Variants in SLC35F3 observed in about 807,000 individuals in gnomAD.
SLC35F3 encodes the protein putative thiamine transporter SLC35F3.
Under a neutral mutation model 49.9 loss-of-function variants are expected in SLC35F3, and 25 were observed. That is an observed-to-expected ratio of 0.50 (90% CI 0.37 to 0.70). The LOEUF is 0.70. SLC35F3 is among the 30% of genes least tolerant of loss of function. The probability of loss-of-function intolerance (pLI) is 0.00; values close to 1 mark genes in which losing one functional copy is unlikely to be tolerated. For missense variants in SLC35F3, 525 were observed against 639.8 expected (o/e 0.82, Z 1.94); for synonymous variants, 275 against 265.4 (o/e 1.04, Z -0.35).
At chr1:234,252,389 A>G (rs1299319134) in intron 3 of SLC35F3, among the ~76,000 whole-genome samples, 2 of 152,148 alleles carry the variant, frequency 1.3e-5, no homozygotes, top group Non-Finnish European at 2.9e-5. Context: ...ATTTTTTAAA[A>G]ATGCTTAAAG....
intron 2 of SLC35F3, among the ~76,000 whole-genome samples, chr1:234,134,220 T>C (rs1665776442): frequency 6.6e-6 from 1 of 150,992 alleles, no homozygotes; most frequent in Non-Finnish European, 1.5e-5. Context: ...ACTAAGTTTC[T>C]GCTCTTGTAA....
At chr1:233,989,243 G>A (rs891251790) in intron 2 of SLC35F3, among the ~76,000 whole-genome samples, 4 of 152,082 alleles carry the variant, frequency 2.6e-5, no homozygotes, top group Admixed American at 2.6e-4. Context: ...GCTTGATCTG[G>A]CTAGTTTCAT....
intron 2 of SLC35F3, among the ~76,000 whole-genome samples, chr1:233,924,722 GTTATGGTGTCAAT>G (rs969703953): frequency 2.0e-5 from 3 of 152,150 alleles, no homozygotes; most frequent in African/African-American, 7.2e-5. Context: ...TAATTGTGAT[GTTATGGTGTCAAT>G]TTTAGATCTT....
At chr1:234,098,958 T>C (rs112358263) in intron 2 of SLC35F3, among the ~76,000 whole-genome samples, 3,367 of 151,744 alleles carry the variant, frequency 0.022, 123 homozygotes, top group African/African-American at 0.077. Context: ...TGTTATAGGG[T>C]GATGATGGAG....
At chr1:234,134,227 G>T (rs1455685794) in intron 2 of SLC35F3, among the ~76,000 whole-genome samples, 1 of 150,550 alleles carries the variant, frequency 6.6e-6, no homozygotes, top group Non-Finnish European at 1.5e-5. Context: ...TTCTGCTCTT[G>T]TAAAGTGTAT....
chr1:234,120,440 A>G (rs920161697), intron 2 of SLC35F3, among the ~76,000 whole-genome samples: 2 of 152,210 alleles, frequency 1.3e-5, no homozygotes, highest in African/African-American at 2.4e-5. Context: ...ATGTCCATAT[A>G]TACATTTGAA....
At chr1:234,308,829 C>G (rs548434359) in intron 3 of SLC35F3, among the ~76,000 whole-genome samples, 22 of 151,970 alleles carry the variant, frequency 1.4e-4, no homozygotes, top group Non-Finnish European at 2.9e-4. Context: ...GATAACACAC[C>G]AACATTACCT....
chr1:234,316,487 C>T (rs1174651023), intron 4 of SLC35F3, 115 bp from the exon 5 acceptor site: 19 of 1,352,080 alleles, frequency 1.4e-5, no homozygotes, highest in Non-Finnish European at 1.8e-5. Flanking sequence ...AAAGGAGACA[C>T]CACTTTCCCC....
chr1:234,087,945 TC>T (rs2102875797), intron 2 of SLC35F3, among the ~76,000 whole-genome samples: 1 of 152,334 alleles, frequency 6.6e-6, no homozygotes, highest in South Asian at 2.1e-4. Flanking sequence ...CGGGTCCTTT[TC>T]TTGACCCTTT....
Position 233,957,314 on chromosome 1 carries a change from G to C in SLC35F3, c.283+51556G>C, listed in dbSNP as rs1662721246. 6.6e-6 allele frequency among the ~76,000 whole-genome samples: 1 copy of C among 152,164 alleles called. No individual in the cohort carries two copies. The highest frequency in any genetic ancestry group is 2.1e-4 in the South Asian group (1 of 4,828). The stretch of plus-strand genomic sequence containing the variant: ...AACCATAACAAAGGTAGGAGGAATG[G>C]CTGGAGGAAGCGATGCCACTCCATC... On this transcript the variant is annotated intron_variant, in intron 2 of 7. Coordinates refer to ENST00000366618, the MANE Select transcript of SLC35F3 (RefSeq NM_173508.4). This position sits in a 1 kb window ranked among gnomAD's most constrained non-coding sequence, Gnocchi z 4.0.
intron 2 of SLC35F3, among the ~76,000 whole-genome samples, chr1:234,045,486 A>C (rs946818631): frequency 6.6e-6 from 1 of 152,154 alleles, no homozygotes; most frequent in African/African-American, 2.4e-5. Flanking sequence ...AGGTGAAGAA[A>C]CTGAAGAACA....
intron 2 of SLC35F3, among the ~76,000 whole-genome samples, chr1:234,007,847 G>A (rs1395924765): frequency 6.6e-6 from 1 of 152,184 alleles, no homozygotes; most frequent in Non-Finnish European, 1.5e-5. Flanking sequence ...CCAGGAATAT[G>A]TACATGGAGT....
chr1:234,071,911 A>G (rs1664717188), intron 2 of SLC35F3, among the ~76,000 whole-genome samples: 1 of 152,234 alleles, frequency 6.6e-6, no homozygotes, highest in Non-Finnish European at 1.5e-5. Context: ...AAGTTTCATT[A>G]TATCCCACAG....
intron 2 of SLC35F3, among the ~76,000 whole-genome samples, chr1:234,080,755 G>A (rs948419998): frequency 1.3e-4 from 20 of 152,154 alleles, no homozygotes; most frequent in Non-Finnish European, 2.8e-4. Context: ...CCAGGGAAGG[G>A]AAGTGGAAGG....
At chr1:233,996,400 T>C (rs1270104335) in intron 2 of SLC35F3, among the ~76,000 whole-genome samples, 1 of 152,100 alleles carries the variant, frequency 6.6e-6, no homozygotes, top group Non-Finnish European at 1.5e-5. Context: ...TTGGAACCAA[T>C]CCCTCATGGA....
At chr1:234,003,980 A>G (rs1343642438) in intron 2 of SLC35F3, among the ~76,000 whole-genome samples, 1 of 152,198 alleles carries the variant, frequency 6.6e-6, no homozygotes, top group African/African-American at 2.4e-5. Context: ...AAGAAAGGCA[A>G]TACTTATATA....
At chr1:234,113,365 T>C (rs1665436669) in intron 2 of SLC35F3, among the ~76,000 whole-genome samples, 1 of 152,230 alleles carries the variant, frequency 6.6e-6, no homozygotes, top group South Asian at 2.1e-4. Flanking sequence ...AAGTAAGCTC[T>C]GAACATACTC....
intron 2 of SLC35F3, among the ~76,000 whole-genome samples, chr1:234,128,272 T>C (rs1476760228): frequency 1.3e-5 from 2 of 152,158 alleles, no homozygotes. Flanking sequence ...GTTTGATGCA[T>C]GTGTACAGCA....
intron 3 of SLC35F3, among the ~76,000 whole-genome samples, chr1:234,236,891 C>T (rs1343061266): frequency 7.3e-6 from 1 of 137,178 alleles, no homozygotes; most frequent in Admixed American, 7.7e-5. Flanking sequence ...GAACTCACAA[C>T]TGAGTGGGAG....
Sources: allele counts gnomAD v4.1 joint callset (sites outside exome capture counted in the v4.1 genomes callset), GRCh38; gene constraint gnomAD v4.1.1; non-coding constraint Gnocchi (gnomAD v3.1); transcripts MANE v1.5; gene names NCBI Gene and HGNC (gene_info 2026-07-23, HGNC 2026-07-21).